The following PPP2R1B variants were observed in gnomAD, a reference collection of about 807,000 sequenced individuals.
PPP2R1B encodes protein phosphatase 2 scaffold subunit Abeta.
PPP2R1B carries 58 observed loss-of-function variants against 72.7 expected under a neutral mutation model. The observed-to-expected ratio is 0.80, with a 90% CI of 0.65 to 0.99. The LOEUF (loss-of-function observed/expected upper bound fraction) is 0.99. Among genes scored for constraint, PPP2R1B ranks in the 50% least tolerant of loss-of-function variants. The pLI is 0.00. For missense variants in PPP2R1B, 695 were observed against 733.6 expected (o/e 0.95, Z 0.61); for synonymous variants, 256 against 264.6 (o/e 0.97, Z 0.32).
the PPP2R1B span, among the ~76,000 whole-genome samples, chr11:111,696,481 C>T: frequency 4.6e-5 from 7 of 152,158 alleles, no homozygotes; most frequent in South Asian, 4.1e-4. Flanking sequence ...AATGAAGCCA[C>T]GTGGCATGGC....
chr11:111,711,721 T>C, the PPP2R1B span, among the ~76,000 whole-genome samples: 2,015 of 152,282 alleles, frequency 0.013, 48 homozygotes, highest in African/African-American at 0.046. Flanking sequence ...CCATCTCACC[T>C]ACACCAAAAA....
intron 3 of PPP2R1B, 168 bp from the exon 4 acceptor site, chr11:111,761,219 G>T (rs561589536): frequency 1.4e-6 from 1 of 728,220 alleles, no homozygotes; most frequent in East Asian, 2.7e-5. Context: ...CATATGGTGC[G>T]GCCAACCCAA....
intron 9 of PPP2R1B, 52 bp downstream of exon 9, chr11:111,753,391 C>CCCT (rs1555048558): frequency 1.3e-6 from 2 of 1,572,880 alleles, no homozygotes; most frequent in African/African-American, 2.8e-5. Flanking sequence ...AAACCAAAAT[C>CCCT]AAATAAAATC....
chr11:111,741,692 A>G, intron 14 of PPP2R1B, 80 bp from the exon 15 acceptor site: 2 of 1,472,874 alleles, frequency 1.4e-6, no homozygotes, highest in Non-Finnish European at 1.9e-6. Flanking sequence ...CACAATAACA[A>G]TGATCCAAAC....
chr11:111,761,985 A>G (rs1404170818), intron 3 of PPP2R1B, among the ~76,000 whole-genome samples: 1 of 152,084 alleles, frequency 6.6e-6, no homozygotes, highest in African/African-American at 2.4e-5. Flanking sequence ...AAGTACAGAG[A>G]TGGTAGGACA....
the PPP2R1B span, among the ~76,000 whole-genome samples, chr11:111,716,695 C>A: frequency 6.6e-6 from 1 of 152,122 alleles, no homozygotes; most frequent in African/African-American, 2.4e-5. Flanking sequence ...AGACATAATT[C>A]CTCTTGTAGT....
the PPP2R1B span, chr11:111,721,708 G>T: frequency 1.6e-6 from 1 of 641,446 alleles, no homozygotes; most frequent in East Asian, 2.9e-5. Context: ...AAAGCTTTGA[G>T]TATTAATAAG....
chr11:111,699,318 T>C, the PPP2R1B span, among the ~76,000 whole-genome samples: 1 of 152,304 alleles, frequency 6.6e-6, no homozygotes, highest in African/African-American at 2.4e-5. Flanking sequence ...CTCTAAACTT[T>C]TTCTACCCCT....
intron 5 of PPP2R1B, among the ~76,000 whole-genome samples, chr11:111,755,834 C>A (rs971025579): frequency 6.6e-6 from 1 of 152,100 alleles, no homozygotes; most frequent in Admixed American, 6.5e-5. Flanking sequence ...AAATGATCCA[C>A]CTGCCTCGGC....
At chr11:111,720,015 G>A in the PPP2R1B span, 90 of 1,608,086 alleles carry the variant, frequency 5.6e-5, 2 homozygotes, top group South Asian at 8.4e-4. Flanking sequence ...TACGGTAGAG[G>A]AGCGACACTA....
the PPP2R1B span, chr11:111,721,096 G>A: frequency 1.3e-6 from 2 of 1,589,202 alleles, no homozygotes; most frequent in Non-Finnish European, 1.7e-6. Context: ...CAATGGCTCT[G>A]TGAGGATGAG....
chr11:111,718,890 G>T, the PPP2R1B span: 1 of 152,216 alleles, frequency 6.6e-6, no homozygotes, highest in Non-Finnish European at 1.5e-5. Context: ...CTCCTCACAG[G>T]GGCCTTTACC....
At chr11:111,754,401 A>G (rs1555048887) in intron 8 of PPP2R1B, 98 bp downstream of exon 8, 1 of 1,460,158 alleles carries the variant, frequency 6.8e-7, no homozygotes, top group African/African-American at 1.5e-5. Flanking sequence ...TCAACCTTTA[A>G]ACTCAAAGAG....
the PPP2R1B span, among the ~76,000 whole-genome samples, chr11:111,692,376 A>C: frequency 2.8e-5 from 4 of 140,956 alleles, no homozygotes; most frequent in African/African-American, 1.1e-4. Context: ...AAAAAAAAAA[A>C]AAAAAAAAAA....
At chr11:111,693,297 GC>G in the PPP2R1B span, among the ~76,000 whole-genome samples, 1 of 150,666 alleles carries the variant, frequency 6.6e-6, no homozygotes, top group African/African-American at 2.4e-5. Context: ...TTGTGCCACT[GC>G]CCTCCAGCCT....
chr11:111,760,134 G>A (rs185041927), intron 4 of PPP2R1B, among the ~76,000 whole-genome samples, 183 bp from the exon 5 acceptor site: 3 of 152,318 alleles, frequency 2.0e-5, no homozygotes, highest in Non-Finnish European at 2.9e-5. Context: ...TCATAGGCCA[G>A]GCATGGTGCC....
the PPP2R1B span, chr11:111,721,134 T>C: frequency 6.7e-7 from 1 of 1,501,854 alleles, no homozygotes; most frequent in Non-Finnish European, 8.9e-7. Context: ...AGATGGTCAT[T>C]TTCACTTAGA....
intron 3 of PPP2R1B, among the ~76,000 whole-genome samples, chr11:111,762,749 G>A (rs1405351336): frequency 5.3e-5 from 8 of 151,864 alleles, no homozygotes; most frequent in African/African-American, 1.7e-4. Context: ...TGTTGCCCAG[G>A]CTGATCTTGA....
At chr11:111,721,809 T>G in the PPP2R1B span, 2 of 1,579,380 alleles carry the variant, frequency 1.3e-6, no homozygotes, top group Non-Finnish European at 1.7e-6. Flanking sequence ...TGAAAATTGT[T>G]TCCACCCCCT....
Sources: gnomAD v4.1 joint callset for allele counts (sites outside exome capture counted in the v4.1 genomes callset) on GRCh38, gnomAD v4.1.1 for gene constraint, MANE v1.5 for transcripts, NCBI Gene and HGNC (gene_info 2026-07-23, HGNC 2026-07-21) for gene names.